SEMA7A: variants seen among roughly 807,000 people sequenced by gnomAD.
SEMA7A encodes the protein semaphorin 7A (JohnMiltonHagen blood group).
A neutral mutation model predicts 67.5 loss-of-function variants in SEMA7A; 21 were observed. The observed-to-expected ratio is 0.31, with a 90% CI of 0.22 to 0.45. SEMA7A has a LOEUF of 0.45. Ranked by LOEUF, SEMA7A falls within the 20% of genes least tolerant of loss-of-function variation. SEMA7A has a pLI of 1.00. For missense variants in SEMA7A, 774 were observed against 908.6 expected (o/e 0.85, Z 1.90); for synonymous variants, 364 against 368.5 (o/e 0.99, Z 0.14).
At chr15:74,428,148 A>G (rs1376927251) in intron 1 of SEMA7A, among the ~76,000 whole-genome samples, 2 of 152,258 alleles carry the variant, frequency 1.3e-5, no homozygotes, top group Non-Finnish European at 2.9e-5. Context: ...CAGAAGAGGT[A>G]TATGGAGCTG....
intron 3 of SEMA7A, 138 bp from the exon 4 acceptor site, chr15:74,418,107 G>C: frequency 8.6e-7 from 1 of 1,169,380 alleles, no homozygotes; most frequent in East Asian, 2.5e-5. Flanking sequence ...GGACAGCCCA[G>C]AGTGTGTGCA....
Position 74,418,886 on chromosome 15 carries a change from G to C in SEMA7A, c.245C>G (p.Pro82Arg). Residue 82 changes from proline (P) to arginine (R), a missense_variant, in exon 2 of 14, where the codon CCA (proline) becomes CGA (arginine). By Grantham distance (103) the Pro-to-Arg change is moderately radical. This residue lies in a region of SEMA7A where 347 missense variants were observed against 353.2 expected (regional missense o/e 0.98). Transcript: ENST00000261918. ...TCCCACCCACACAGAGGAGCTGCCT[G>C]GCTCGTGGAAAAGCACCGTGTGCGG... ...TEPHTVLFHE[P>R]GSSSVWVGGR... 1 of 1,613,892 alleles carries C rather than the reference G, an allele frequency of 6.2e-7. No homozygotes were observed. Among genetic ancestry groups the C allele is most frequent in the South Asian group, 1.1e-5 (1 of 91,088 alleles).
chr15:74,431,179 C>G (rs1240427438), intron 1 of SEMA7A, among the ~76,000 whole-genome samples: 1 of 152,224 alleles, frequency 6.6e-6, no homozygotes, highest in Non-Finnish European at 1.5e-5. Flanking sequence ...ACATGCACAT[C>G]CTTGACTGGC....
In SEMA7A at chr15:74,415,177, C is replaced by T. The variant is rs567443737; in HGVS notation, c.987-231G>A. On this transcript the variant is annotated intron_variant, in intron 8 of 13. Transcript: ENST00000261918. ...CTGAGTCTAGAGGCCATCTGCTCTA[C>T]CCAACCCCAAGGCAGGAGGAACCCC... Among the ~76,000 whole-genome samples the T allele has an allele frequency of 1.4e-4, 22 of 152,312 alleles. No homozygotes were observed. In the South Asian group the frequency reaches 4.6e-3, roughly 32 times the overall value.
In SEMA7A at chr15:74,417,941, T is replaced by G; in HGVS notation, c.401A>C (p.Glu134Ala). 1.2e-6 allele frequency: 2 copies of G among 1,613,230 alleles called. No homozygotes were observed. The highest frequency in any genetic ancestry group is 1.7e-6 in the Non-Finnish European group (2 of 1,179,988). The change falls in exon 4 of 14, where the codon GAG becomes GCG. Residue 134 changes from glutamate to alanine, a missense_variant. Transcript: ENST00000261918. ...RDCENYITLLERRSEGLLACG... is the reference protein window; with the variant it reads ...RDCENYITLLARRSEGLLACG... ...GGCCAGCAGCCCCTCACTCCGCCTCTCCAGGAGAGTGATGTAGTTCTCGCA... is the reference window on the plus strand; with the variant it reads ...GGCCAGCAGCCCCTCACTCCGCCTCGCCAGGAGAGTGATGTAGTTCTCGCA...
At chr15:74,418,035 TA>T in intron 3 of SEMA7A, 66 bp from the exon 4 acceptor site, 1 of 1,536,888 alleles carries the variant, frequency 6.5e-7, no homozygotes, top group South Asian at 1.1e-5. Context: ...AGCCTAGCAC[TA>T]GGACCCCCAG....
intron 1 of SEMA7A, among the ~76,000 whole-genome samples, chr15:74,422,013 A>G (rs2061004280): frequency 6.6e-6 from 1 of 152,182 alleles, no homozygotes; most frequent in Non-Finnish European, 1.5e-5. Context: ...CAGGCAGAGG[A>G]CGCAACCTGA....
chr15:74,420,347 C>T (rs1167578557), intron 1 of SEMA7A, among the ~76,000 whole-genome samples: 3 of 152,190 alleles, frequency 2.0e-5, no homozygotes, highest in African/African-American at 7.2e-5. Flanking sequence ...GCTGAGGTAC[C>T]CTGGGAGACA....
intron 2 of SEMA7A, 146 bp downstream of exon 2, chr15:74,418,655 C>T: frequency 1.1e-6 from 1 of 897,318 alleles, no homozygotes; most frequent in Non-Finnish European, 1.7e-6. Context: ...CTTTAGGGAG[C>T]CTCCCCCAGG....
In SEMA7A at chr15:74,410,528, G is replaced by T; in HGVS notation, c.*96C>A. 1 of 1,473,444 alleles carries T rather than the reference G, an allele frequency of 6.8e-7. No individual in the cohort carries two copies. Among genetic ancestry groups the T allele is most frequent in the Non-Finnish European group, 9.1e-7 (1 of 1,097,444 alleles). The allele number at this position is 1,473,444 out of a possible 1,614,324, so 91.3% of individuals were successfully genotyped here. A position where few individuals can be genotyped will look rare whatever the true frequency, so the allele number is the denominator to read the frequency against. ...GTTATTCTGTCCCCTGGAAGAAGTG[G>T]CAGGCAAGGAGCTCCCGGGCCAGCC... On this transcript the variant is annotated 3_prime_UTR_variant, in exon 14 of 14. Coordinates refer to ENST00000261918, the MANE Select transcript of SEMA7A (RefSeq NM_003612.5). This position sits in a 1 kb window ranked among gnomAD's most constrained non-coding sequence, Gnocchi z 7.5.
chr15:74,411,175 C>T lies in SEMA7A; in HGVS notation c.1639+120G>A. On this transcript the variant is annotated intron_variant, in intron 13 of 13. Coordinates refer to ENST00000261918, the MANE Select transcript of SEMA7A (RefSeq NM_003612.5). This position sits in a 1 kb window ranked among gnomAD's most constrained non-coding sequence, Gnocchi z 4.4. ...GAGGGCTCCCTCTGCAGGACTGTAT[C>T]CTGCCCCATGTACCTGGGGCCCACA... The T allele has an allele frequency of 7.5e-7, 1 of 1,339,396 alleles. No homozygotes were observed. The highest frequency in any genetic ancestry group is 1.0e-6 in the Non-Finnish European group (1 of 977,318). The allele number at this position is 1,339,396 out of a possible 1,614,324, so 83.0% of individuals were successfully genotyped here.
At chr15:74,418,081 A>G in intron 3 of SEMA7A, 112 bp from the exon 4 acceptor site, 1 of 1,308,088 alleles carries the variant, frequency 7.6e-7, no homozygotes, top group South Asian at 1.2e-5. Flanking sequence ...GGCTTAGCAT[A>G]GGTGACAGCC....
chr15:74,421,548 A>G (rs977316993), intron 1 of SEMA7A, among the ~76,000 whole-genome samples: 1 of 151,818 alleles, frequency 6.6e-6, no homozygotes, highest in African/African-American at 2.4e-5. Flanking sequence ...TGGCCCTCCC[A>G]CCTCTGTTCT....
At chr15:74,422,482 C>T (rs368804149) in intron 1 of SEMA7A, among the ~76,000 whole-genome samples, 6 of 152,086 alleles carry the variant, frequency 3.9e-5, no homozygotes, top group South Asian at 2.1e-4. Flanking sequence ...CATGTGATTC[C>T]GAGCCAATCC....
chr15:74,412,047 G>GGCCCA (rs2060906514), intron 10 of SEMA7A, 35 bp from the exon 11 acceptor site: 2 of 1,611,766 alleles, frequency 1.2e-6, no homozygotes. Context: ...GTGGGCGGGA[G>GGCCCA]TCCCACTGAG....
At position 74,433,482 on chromosome 15, in the gene SEMA7A, T is replaced by C. The variant is rs1437655; in HGVS notation, c.178+259A>G. On this transcript the variant is annotated intron_variant, in intron 1 of 13. Transcript: ENST00000261918. ...GCGCCCGGGCGTTGCGGCTCCTGGC[T>C]GCCAGGGACTTGGTGCGACTTAGCC... The C allele has an allele frequency of 2.9e-6, 3 of 1,050,392 alleles. No homozygotes were observed. In the East Asian group the frequency reaches 1.2e-4, roughly 40 times the overall value. The allele number at this position is 1,050,392 out of a possible 1,614,324, so 65.1% of individuals were successfully genotyped here.
chr15:74,430,506 C>T (rs550841272), intron 1 of SEMA7A, among the ~76,000 whole-genome samples: 5 of 152,322 alleles, frequency 3.3e-5, no homozygotes, highest in Admixed American at 2.6e-4. Context: ...ACCAGGCTCC[C>T]GACCTCCCAG....
At chr15:74,419,737 G>A (rs1223360000) in intron 1 of SEMA7A, among the ~76,000 whole-genome samples, 1 of 152,200 alleles carries the variant, frequency 6.6e-6, no homozygotes, top group Non-Finnish European at 1.5e-5. Context: ...GAGGATGCTA[G>A]CTCTCCGGGG....
intron 1 of SEMA7A, among the ~76,000 whole-genome samples, chr15:74,433,332 C>A (rs1245194068): frequency 1.3e-5 from 2 of 151,852 alleles, no homozygotes; most frequent in East Asian, 3.9e-4. Flanking sequence ...GCCAGCAGAG[C>A]CCGCAGCTCA....
Sources: allele counts gnomAD v4.1 joint callset (sites outside exome capture counted in the v4.1 genomes callset), GRCh38; gene constraint gnomAD v4.1.1; regional missense constraint gnomAD v4.1.1; non-coding constraint Gnocchi (gnomAD v3.1); transcripts MANE v1.5; gene names NCBI Gene and HGNC (gene_info 2026-07-23, HGNC 2026-07-21).